The following ARMC9 variants were observed in gnomAD, a reference collection of about 807,000 sequenced individuals.
ARMC9 encodes lisH domain-containing protein ARMC9.
Under a neutral mutation model 107.0 loss-of-function variants are expected in ARMC9, and 94 were observed. That is an observed-to-expected ratio of 0.88 (90% CI 0.74 to 1.04). The LOEUF is 1.04. Among genes scored for constraint, ARMC9 ranks in the 50% least tolerant of loss-of-function variants. ARMC9 has a pLI of 0.00. For synonymous variants in ARMC9, 380 were observed against 396.9 expected, an observed-to-expected ratio of 0.96 and a Z score of 0.51; for missense variants, 942 against 1,030.1, an observed-to-expected ratio of 0.91 and a Z score of 1.17.
chr2:231,346,635 CATTTTTTT>C (rs1426526349), intron 21 of ARMC9, among the ~76,000 whole-genome samples: 1 of 152,208 alleles, frequency 6.6e-6, no homozygotes, highest in African/African-American at 2.4e-5. Flanking sequence ...CATGCGTATA[CATTTTTTT>C]GCTGAACTAT....
intron 17 of ARMC9, among the ~76,000 whole-genome samples, chr2:231,289,207 C>A (rs1353934648): frequency 6.6e-6 from 1 of 152,172 alleles, no homozygotes; most frequent in Non-Finnish European, 1.5e-5. Flanking sequence ...CAACTCACAC[C>A]TGTAATCCCA....
chr2:231,296,303 C>T, intron 19 of ARMC9, 50 bp downstream of exon 19: 2 of 1,436,804 alleles, frequency 1.4e-6, no homozygotes, highest in South Asian at 1.2e-5. Context: ...CCAAACTATT[C>T]TCTCTTTCCT....
intron 19 of ARMC9, among the ~76,000 whole-genome samples, chr2:231,316,834 C>T (rs2042717299): frequency 1.3e-5 from 2 of 152,132 alleles, no homozygotes; most frequent in South Asian, 2.1e-4. Flanking sequence ...TTGACCTTGG[C>T]TCACTGCAAC....
At chr2:231,212,799 G>A (rs747840191) in intron 3 of ARMC9, among the ~76,000 whole-genome samples, 2 of 152,188 alleles carry the variant, frequency 1.3e-5, no homozygotes, top group Non-Finnish European at 2.9e-5. Flanking sequence ...ACCCACAGGC[G>A]CTAACACACT....
At chr2:231,299,434 CAG>C (rs2041587761) in intron 19 of ARMC9, among the ~76,000 whole-genome samples, 3 of 152,108 alleles carry the variant, frequency 2.0e-5, no homozygotes, top group African/African-American at 7.2e-5. Context: ...GTGAAAAATG[CAG>C]AGAGGCCCTG....
chr2:231,253,270 C>T (rs560705023), intron 9 of ARMC9, among the ~76,000 whole-genome samples: 21 of 152,140 alleles, frequency 1.4e-4, no homozygotes, highest in East Asian at 7.7e-4. Context: ...TGTGCCACCA[C>T]GCCCAGCTAA....
chr2:231,364,449 T>C (rs2045725827), intron 23 of ARMC9, among the ~76,000 whole-genome samples: 1 of 152,236 alleles, frequency 6.6e-6, no homozygotes, highest in Non-Finnish European at 1.5e-5. Context: ...CATGTATGCC[T>C]TTCCCCTCAC....
chr2:231,341,415 C>T (rs1342038714), intron 20 of ARMC9, among the ~76,000 whole-genome samples: 1 of 152,186 alleles, frequency 6.6e-6, no homozygotes, highest in Non-Finnish European at 1.5e-5. Context: ...TTGGTGACCT[C>T]CACTTAACTA....
intron 19 of ARMC9, among the ~76,000 whole-genome samples, chr2:231,310,471 C>T (rs1009572024): frequency 7.4e-5 from 11 of 149,536 alleles, no homozygotes; most frequent in African/African-American, 2.5e-4. Context: ...TGGCTCACGC[C>T]TGTAATCCCA....
intron 19 of ARMC9, among the ~76,000 whole-genome samples, chr2:231,301,061 A>G (rs978200202): frequency 5.3e-5 from 8 of 152,248 alleles, no homozygotes; most frequent in Non-Finnish European, 1.2e-4. Flanking sequence ...AGATGCACAC[A>G]CAGAGTACAC....
At chr2:231,243,820 G>A (rs2036519510) in intron 9 of ARMC9, among the ~76,000 whole-genome samples, 1 of 152,214 alleles carries the variant, frequency 6.6e-6, no homozygotes, top group Admixed American at 6.5e-5. Flanking sequence ...CTCGAGTTCA[G>A]ATTTACAATG....
rs1276648108 is a variant in ARMC9, at chr2:231,347,033, T to C, written c.1994+1943T>C. ...AGGCTATTTTAATCAGAGATAAGGA[T>C]AGGGAATCTAATAAATATGGGGCTA... is the stretch of plus-strand genomic sequence containing the variant. On this transcript the variant is annotated intron_variant, in intron 21 of 24. Transcript: ENST00000611582. 3.3e-5 allele frequency among the ~76,000 whole-genome samples: 5 copies of C among 152,186 alleles called. No individual in the cohort carries two copies. The East Asian group carries it at 9.6e-4, about 29-fold the overall frequency.
intron 9 of ARMC9, among the ~76,000 whole-genome samples, chr2:231,245,457 A>C (rs1475214553): frequency 1.3e-5 from 2 of 152,204 alleles, no homozygotes; most frequent in East Asian, 3.9e-4. Flanking sequence ...ATTGAAAGTC[A>C]GCCCTGGGCA....
At chr2:231,337,360 C>T (rs1026170599) in intron 20 of ARMC9, among the ~76,000 whole-genome samples, 3 of 132,914 alleles carry the variant, frequency 2.3e-5, no homozygotes, top group African/African-American at 8.3e-5. Flanking sequence ...TGCAGTGGCA[C>T]AATCTTGGCT....
chr2:231,301,357 C>G (rs1318989758), intron 19 of ARMC9, among the ~76,000 whole-genome samples: 1 of 152,114 alleles, frequency 6.6e-6, no homozygotes, highest in African/African-American at 2.4e-5. Context: ...TGGGCTCTTG[C>G]TGCTGGATGA....
At chr2:231,355,442 C>G in intron 21 of ARMC9, among the ~76,000 whole-genome samples, 1 of 152,254 alleles carries the variant, frequency 6.6e-6, no homozygotes, top group East Asian at 1.9e-4. Context: ...TCCCTTCATT[C>G]ATCTGCTTCA....
At chr2:231,231,643 C>G (rs1025766336) in intron 7 of ARMC9, among the ~76,000 whole-genome samples, 2 of 151,646 alleles carry the variant, frequency 1.3e-5, no homozygotes, top group African/African-American at 4.9e-5. Context: ...CTTGGCTTCC[C>G]AAAGTGCTGG....
intron 20 of ARMC9, among the ~76,000 whole-genome samples, chr2:231,340,312 C>G (rs1482397405): frequency 6.6e-6 from 1 of 152,082 alleles, no homozygotes; most frequent in South Asian, 2.1e-4. Context: ...GAGTTTTTAT[C>G]GCTTGTTTTC....
In ARMC9 at chr2:231,360,195, C is replaced by T. The variant is rs2045511509; in HGVS notation, c.2132-559C>T. Among the ~76,000 whole-genome samples the T allele has an allele frequency of 6.6e-6, 1 of 152,118 alleles. No homozygotes were observed. Among genetic ancestry groups the T allele is most frequent in the South Asian group, 2.1e-4 (1 of 4,822 alleles). On this transcript the variant is annotated intron_variant, in intron 22 of 24. Transcript: ENST00000611582. The surrounding 1 kb of genome is among the most constrained non-coding windows in gnomAD (Gnocchi z 4.7). ...TTCCCCGTGAAGGGCTCCTGCGTGT[C>T]CCGGGTGGCCTGGTTCTGGGTGGGC...
Sources: gnomAD v4.1 joint callset for allele counts (sites outside exome capture counted in the v4.1 genomes callset) on GRCh38, gnomAD v4.1.1 for gene constraint, Gnocchi (gnomAD v3.1) non-coding constraint, MANE v1.5 for transcripts, NCBI Gene and HGNC (gene_info 2026-07-23, HGNC 2026-07-21) for gene names.